Variants in PHLDB2 observed in about 807,000 individuals in gnomAD.
PHLDB2 encodes the protein pleckstrin homology-like domain family B member 2.
In PHLDB2, 71 loss-of-function variants were observed where a neutral mutation model predicts 123.6. The ratio of observed to expected loss-of-function variants is 0.57; its 90% CI spans 0.47 to 0.70. PHLDB2 has a LOEUF of 0.70. Ranked by LOEUF, PHLDB2 falls within the 30% of genes least tolerant of loss-of-function variation. The pLI is 0.00. For synonymous variants in PHLDB2, 547 were observed against 541.6 expected, an observed-to-expected ratio of 1.01 and a Z score of -0.14; for missense variants, 1,446 against 1,519.5, an observed-to-expected ratio of 0.95 and a Z score of 0.80.
At position 111,962,331 on chromosome 3, in the gene PHLDB2, T is replaced by C; in HGVS notation, c.3077+19T>C. 1 of 1,589,614 alleles carries C rather than the reference T, an allele frequency of 6.3e-7. No individual in the cohort carries two copies. Among genetic ancestry groups the C allele is most frequent in the Non-Finnish European group, 8.5e-7 (1 of 1,172,362 alleles). On this transcript the variant is annotated intron_variant, in intron 13 of 17. Coordinates refer to ENST00000431670, the MANE Select transcript of PHLDB2 (RefSeq NM_001134438.2). ...TCTCTAGGTAAGATTTATTTATGGGTAAGGTTTCTGGTTTGGAAAAGAGCC... is the reference window on the plus strand; with the variant it reads ...TCTCTAGGTAAGATTTATTTATGGGCAAGGTTTCTGGTTTGGAAAAGAGCC...
chr3:111,893,095 C>CCG (rs1553746095), intron 2 of PHLDB2, among the ~76,000 whole-genome samples: 1 of 151,626 alleles, frequency 6.6e-6, no homozygotes, highest in East Asian at 1.9e-4. Flanking sequence ...GTCCTGACCA[C>CCG]CCCCCCAAAA....
Position 111,756,236 on chromosome 3 carries a change from C to G in PHLDB2, c.-49+23533C>G, listed in dbSNP as rs1001943989. 2.0e-5 allele frequency among the ~76,000 whole-genome samples: 3 copies of G among 151,538 alleles called. No individual in the cohort carries two copies. The South Asian group carries it at 6.3e-4, about 32-fold the overall frequency. On this transcript the variant is annotated intron_variant, in intron 1 of 17. Coordinates refer to the PHLDB2 transcript ENST00000393923. ...TTAACTTTCTGTCTCGTTGATCTGT[C>G]TAATGTTGACAGTGGGGTGTTAAAG...
chr3:111,734,496 C>A (rs1006263811), intron 1 of PHLDB2, among the ~76,000 whole-genome samples: 1 of 152,206 alleles, frequency 6.6e-6, no homozygotes, highest in African/African-American at 2.4e-5. Flanking sequence ...ACACACAGGT[C>A]TGACCTGTCC....
intron 1 of PHLDB2, among the ~76,000 whole-genome samples, chr3:111,754,210 GA>G (rs1470175500): frequency 1.3e-5 from 2 of 149,192 alleles, no homozygotes; most frequent in Non-Finnish European, 3.0e-5. Flanking sequence ...GCTTGATGGG[GA>G]TGGCACTGAA....
chr3:111,834,107 T>A (rs866951292), intron 1 of PHLDB2, among the ~76,000 whole-genome samples: 4 of 85,348 alleles, frequency 4.7e-5, no homozygotes, highest in African/African-American at 9.9e-5. Context: ...TTATATATAT[T>A]ATATATGTAA....
intron 1 of PHLDB2, among the ~76,000 whole-genome samples, chr3:111,823,072 G>A (rs1436363568): frequency 6.6e-6 from 1 of 152,238 alleles, no homozygotes; most frequent in Non-Finnish European, 1.5e-5. Context: ...GCAGCACATA[G>A]TACCACCAAG....
chr3:111,776,159 G>T (rs1177578014), intron 1 of PHLDB2, among the ~76,000 whole-genome samples: 3 of 152,062 alleles, frequency 2.0e-5, no homozygotes, highest in Non-Finnish European at 4.4e-5. Flanking sequence ...TTCAAATGTG[G>T]ACCTTTAGAG....
At chr3:111,816,148 G>A (rs1370023263) in intron 1 of PHLDB2, among the ~76,000 whole-genome samples, 1 of 152,198 alleles carries the variant, frequency 6.6e-6, no homozygotes, top group Non-Finnish European at 1.5e-5. Context: ...TGCCAGGGTG[G>A]GGCCCTCATG....
At chr3:111,834,223 TA>T in intron 1 of PHLDB2, among the ~76,000 whole-genome samples, 1 of 94,108 alleles carries the variant, frequency 1.1e-5, no homozygotes, top group Admixed American at 1.3e-4. Context: ...TAGAATTATA[TA>T]TATATTATGT....
chr3:111,935,608 G>A (rs1467351902), intron 6 of PHLDB2, among the ~76,000 whole-genome samples: 1 of 152,144 alleles, frequency 6.6e-6, no homozygotes, highest in Non-Finnish European at 1.5e-5. Flanking sequence ...TCTGGAAGCT[G>A]AGGAGCAAGG....
At chr3:111,959,407 A>G (rs2107656752) in intron 12 of PHLDB2, among the ~76,000 whole-genome samples, 2 of 152,350 alleles carry the variant, frequency 1.3e-5, no homozygotes, top group South Asian at 4.1e-4. Flanking sequence ...TTTTCCACTC[A>G]CTTTGGATTC....
At chr3:111,743,569 G>A (rs2059638209) in intron 1 of PHLDB2, among the ~76,000 whole-genome samples, 1 of 152,106 alleles carries the variant, frequency 6.6e-6, no homozygotes, top group Non-Finnish European at 1.5e-5. Context: ...TCAGCAGCTG[G>A]CACCAGGTAG....
intron 1 of PHLDB2, among the ~76,000 whole-genome samples, chr3:111,763,890 G>A (rs916378552): frequency 2.0e-5 from 3 of 152,134 alleles, no homozygotes; most frequent in African/African-American, 7.2e-5. Context: ...GAACTGTGAG[G>A]AATGAATTCT....
chr3:111,754,762 A>G (rs2059853109), intron 1 of PHLDB2, among the ~76,000 whole-genome samples: 1 of 148,592 alleles, frequency 6.7e-6, no homozygotes, highest in Non-Finnish European at 1.5e-5. Flanking sequence ...GTTTTTGCCC[A>G]TTCAGTATGA....
intron 1 of PHLDB2, among the ~76,000 whole-genome samples, chr3:111,734,952 G>A (rs1256954583): frequency 6.6e-6 from 1 of 152,202 alleles, no homozygotes; most frequent in Non-Finnish European, 1.5e-5. Flanking sequence ...AAACAGGCAA[G>A]AGCAAAAGCA....
chr3:111,909,160 A>C (rs1412081312), intron 2 of PHLDB2, among the ~76,000 whole-genome samples: 2 of 152,032 alleles, frequency 1.3e-5, no homozygotes, highest in Admixed American at 1.3e-4. Context: ...GAGCAGACAG[A>C]CTCATATTTA....
At chr3:111,790,671 T>G (rs1454650703) in intron 1 of PHLDB2, among the ~76,000 whole-genome samples, 2 of 152,188 alleles carry the variant, frequency 1.3e-5, no homozygotes, top group African/African-American at 4.8e-5. Context: ...AAGCTGCCTC[T>G]TTAGGATACT....
rs2072466699 is a variant in PHLDB2 at position 111,975,895 on chromosome 3, T to C, written c.*1332T>C. ...ATTAAACTTTGTCAGCCTGACTGGG[T>C]ACAATTCTTTTGTTAATTTGCAGTG... On this transcript the variant is annotated 3_prime_UTR_variant, in exon 18 of 18. Transcript: ENST00000431670. 6.5e-6 allele frequency: 1 copy of C among 152,674 alleles called. No homozygotes were observed. Among genetic ancestry groups the C allele is most frequent in the South Asian group, 2.1e-4 (1 of 4,824 alleles). The allele number at this position is 152,674 out of a possible 1,614,324, so 9.5% of individuals were successfully genotyped here.
At position 111,969,851 on chromosome 3, in the gene PHLDB2, G is replaced by A. The variant is rs563401752; in HGVS notation, c.3477G>A (p.Thr1159=). Residue 1159 remains threonine, a synonymous_variant, in exon 16 of 18, where the codon ACG becomes ACA. Coordinates refer to ENST00000431670, the MANE Select transcript of PHLDB2 (RefSeq NM_001134438.2). ...FLIKMGGKIK[T]WKKRWFVFDR... ...TCAAAATGGGTGGGAAAATTAAAAC[G>A]TGGAAAAAACGTTGGTTTGTTTTTG... 1.8e-5 allele frequency: 29 copies of A among 1,613,912 alleles called. No homozygotes were observed. The highest frequency in any genetic ancestry group is 9.9e-5 in the South Asian group (9 of 91,094).
Sources: gnomAD v4.1 joint callset for allele counts (sites outside exome capture counted in the v4.1 genomes callset) on GRCh38, gnomAD v4.1.1 for gene constraint, MANE v1.5 for transcripts, NCBI Gene and HGNC (gene_info 2026-07-23, HGNC 2026-07-21) for gene names.